The following RBFOX1 variants were observed in gnomAD, a reference collection of about 807,000 sequenced individuals.
RBFOX1 encodes RNA binding fox-1 homolog 1.
RBFOX1 carries 8 observed loss-of-function variants against 57.7 expected under a neutral mutation model. The observed-to-expected ratio is 0.14, with a 90% CI of 0.08 to 0.25. RBFOX1 has a LOEUF of 0.25. Ranked by LOEUF, RBFOX1 falls within the 10% of genes least tolerant of loss-of-function variation. The pLI, the probability that RBFOX1 is intolerant of heterozygous loss-of-function variation, is 1.00. For synonymous variants in RBFOX1, 326 were observed against 222.4 expected (o/e 1.47, Z -4.15); for missense variants, 611 against 548.5 (o/e 1.11, Z -1.14).
intron 3 of RBFOX1, among the ~76,000 whole-genome samples, chr16:6,665,093 G>T (rs2098723514): frequency 6.6e-6 from 1 of 152,210 alleles, no homozygotes. Flanking sequence ...AGCATAGCTG[G>T]ATGCTGGTAC....
At chr16:6,141,314 C>T (rs9936400) in intron 1 of RBFOX1, among the ~76,000 whole-genome samples, 7 of 152,034 alleles carry the variant, frequency 4.6e-5, no homozygotes, top group South Asian at 2.1e-4. Context: ...TTTACAAGGG[C>T]GATACGGAAG....
intron 1 of RBFOX1, among the ~76,000 whole-genome samples, chr16:5,387,102 A>C (rs1367566306): frequency 6.6e-6 from 1 of 152,224 alleles, no homozygotes; most frequent in Admixed American, 6.5e-5. Context: ...CTTGTATTAC[A>C]ACTTAGGCTT....
chr16:7,394,621 C>A (rs1052823665), intron 4 of RBFOX1, among the ~76,000 whole-genome samples: 3 of 152,182 alleles, frequency 2.0e-5, no homozygotes, highest in South Asian at 2.1e-4. Flanking sequence ...ACGGGTGCCA[C>A]TACAGTGTCT....
rs568750288 is a variant in RBFOX1, at chr16:5,323,595, A to C, written c.219+83490A>C. 2.6e-5 allele frequency among the ~76,000 whole-genome samples: 4 copies of C among 152,368 alleles called. No individual in the cohort carries two copies. The South Asian group carries it at 6.2e-4, about 24-fold the overall frequency. On this transcript the variant is annotated intron_variant, in intron 1 of 2. Coordinates refer to the RBFOX1 transcript ENST00000585867. The stretch of plus-strand genomic sequence containing the variant: ...AGATTAATTAGACATTTCAGAAGAG[A>C]TCGACTTTTAAAGCAATAGCTTCAT...
chr16:7,029,715 T>G (rs979494707), intron 3 of RBFOX1, among the ~76,000 whole-genome samples: 1 of 152,060 alleles, frequency 6.6e-6, no homozygotes, highest in Non-Finnish European at 1.5e-5. Context: ...AATTATAGGG[T>G]GGTAGCATCT....
chr16:7,125,125 C>G (rs1295442196), intron 4 of RBFOX1, among the ~76,000 whole-genome samples: 2 of 152,146 alleles, frequency 1.3e-5, no homozygotes, highest in African/African-American at 4.8e-5. Flanking sequence ...TGAGAGGTTT[C>G]TTTTGCCCTT....
chr16:5,384,945 C>G lies in RBFOX1; in HGVS notation c.220-82271C>G, dbSNP rs556238365. On this transcript the variant is annotated intron_variant, in intron 1 of 2. Transcript: ENST00000585867. ...GTGCCTGGCTCAGTATGTGGCTCAT[C>G]TAACTGTTGGTCAAATTAAAACAAA... Among the ~76,000 whole-genome samples the G allele has an allele frequency of 2.1e-3, 319 of 152,318 alleles. 1 individual carries two copies. Among genetic ancestry groups the G allele is most frequent in the African/African-American group, 5.6e-3 (231 of 41,562 alleles).
chr16:5,727,383 A>G (rs1461191243), intron 3 of RBFOX1, among the ~76,000 whole-genome samples: 2 of 152,232 alleles, frequency 1.3e-5, no homozygotes, highest in East Asian at 1.9e-4. Flanking sequence ...TAAAAATTGT[A>G]TATATTTAAG....
chr16:6,461,328 T>G (rs2094913967), intron 2 of RBFOX1, among the ~76,000 whole-genome samples: 1 of 152,194 alleles, frequency 6.6e-6, no homozygotes, highest in African/African-American at 2.4e-5. Context: ...ATGGATTCCT[T>G]TTAACTTAAT....
intron 1 of RBFOX1, among the ~76,000 whole-genome samples, chr16:5,307,533 C>T (rs1306772117): frequency 1.3e-5 from 2 of 152,170 alleles, no homozygotes; most frequent in Non-Finnish European, 2.9e-5. Flanking sequence ...CACCCTCACC[C>T]CTGTTCATAG....
rs994654111 is a variant in RBFOX1 at position 7,505,267 on chromosome 16, G to T, written c.28-12880G>T. 1.3e-4 allele frequency among the ~76,000 whole-genome samples: 20 copies of T among 149,040 alleles called. No individual in the cohort carries two copies. The East Asian group carries it at 2.9e-3, about 22-fold the overall frequency. On this transcript the variant is annotated intron_variant, in intron 4 of 15. Coordinates refer to ENST00000550418, the MANE Select transcript of RBFOX1 (RefSeq NM_018723.4). Reference sequence around the variant, plus strand: ...CAAAAAAAAAAAAAAAAGGAAACCAGACAAGGTTCCTATACTCATAGAGTT... The same window carrying T: ...CAAAAAAAAAAAAAAAAGGAAACCATACAAGGTTCCTATACTCATAGAGTT...
chr16:5,341,494 G>C (rs947119227), intron 1 of RBFOX1, among the ~76,000 whole-genome samples: 1 of 152,178 alleles, frequency 6.6e-6, no homozygotes. Context: ...GACAGGACTT[G>C]GGGATGGATT....
intron 15 of RBFOX1, chr16:7,710,372 A>C (rs2148623770): frequency 1.5e-6 from 2 of 1,354,530 alleles, no homozygotes; most frequent in Non-Finnish European, 1.9e-6. Flanking sequence ...TCCAGCTTAT[A>C]ATAGAGTCCT....
In RBFOX1 at chr16:6,899,816, G is replaced by A. The variant is rs565003846; in HGVS notation, c.-15-152241G>A. Among the ~76,000 whole-genome samples, 14 of 152,314 alleles carry A rather than the reference G, an allele frequency of 9.2e-5. No homozygotes were observed. The South Asian group carries it at 1.0e-3, about 11-fold the overall frequency. ...TATGGACACCTTTTCATTGCAAGAG[G>A]AAAGCAAAAGCAGGCAGGAGCATTT... On this transcript the variant is annotated intron_variant, in intron 3 of 15. Transcript: ENST00000550418.
rs1567988167 is a variant in RBFOX1, at chr16:6,637,560, A to AGT, written c.-63-17043_-63-17042insGT. 1.5e-3 allele frequency among the ~76,000 whole-genome samples: 7 copies of AGT among 4,744 alleles called. 1 individual carries two copies. The Non-Finnish European group carries it at 0.061, about 41-fold the overall frequency. 3.1% of individuals were successfully genotyped at this position (4,744 alleles called of 152,430 possible). A position where few individuals can be genotyped will look rare whatever the true frequency, so the allele number is the denominator to read the frequency against. On this transcript the variant is annotated intron_variant, in intron 2 of 15. Coordinates refer to ENST00000550418, the MANE Select transcript of RBFOX1 (RefSeq NM_018723.4). ...TATATACAATCTGCATAGTATATAT[A>AGT]ATATTCTATATAGTATATATATAAT... is the stretch of plus-strand genomic sequence containing the variant.
At chr16:6,487,752 T>TAA (rs371746051) in intron 2 of RBFOX1, among the ~76,000 whole-genome samples, 6 of 102,032 alleles carry the variant, frequency 5.9e-5, no homozygotes, top group African/African-American at 8.2e-5. Context: ...TATATATATA[T>TAA]ATAAAATATT....
At chr16:7,610,508 T>G (rs2141424484) in intron 10 of RBFOX1, among the ~76,000 whole-genome samples, 1 of 152,308 alleles carries the variant, frequency 6.6e-6, no homozygotes, top group African/African-American at 2.4e-5. Flanking sequence ...TGATTCCAGC[T>G]GCCACCACCA....
chr16:5,584,448 T>C (rs1157317273), intron 2 of RBFOX1, among the ~76,000 whole-genome samples: 1 of 152,228 alleles, frequency 6.6e-6, no homozygotes, highest in East Asian at 1.9e-4. Flanking sequence ...CGTCTTCCCT[T>C]GTCTCATTAC....
In RBFOX1 at chr16:6,900,119, G is replaced by C. The variant is rs938996243; in HGVS notation, c.-15-151938G>C. 1.1e-4 allele frequency among the ~76,000 whole-genome samples: 17 copies of C among 151,982 alleles called. 1 individual carries two copies. The East Asian group carries it at 2.9e-3, about 26-fold the overall frequency. ...TGGCACATGAAACAAAGGTTTATTT[G>C]AGTTTTTCTTTAGTTATTGCTGGTG... On this transcript the variant is annotated intron_variant, in intron 3 of 15. Coordinates refer to ENST00000550418, the MANE Select transcript of RBFOX1 (RefSeq NM_018723.4).
Sources: allele counts gnomAD v4.1 joint callset (sites outside exome capture counted in the v4.1 genomes callset), GRCh38; gene constraint gnomAD v4.1.1; transcripts MANE v1.5; gene names NCBI Gene and HGNC (gene_info 2026-07-23, HGNC 2026-07-21).